Variants in LAMA1 observed in about 807,000 individuals in gnomAD.
The protein encoded by LAMA1 is laminin subunit alpha 1, also known as laminin subunit alpha-1.
A neutral mutation model predicts 348.7 loss-of-function variants in LAMA1; 219 were observed. That is an observed-to-expected ratio of 0.63 (90% CI 0.56 to 0.70). The LOEUF is 0.70. LAMA1 is among the 30% of genes least tolerant of loss of function. LAMA1 has a pLI of 0.00. For synonymous variants in LAMA1, 1,487 were observed against 1,491.0 expected, an observed-to-expected ratio of 1.00 and a Z score of 0.06; for missense variants, 3,744 against 3,888.0, an observed-to-expected ratio of 0.96 and a Z score of 0.99.
At chr18:7,038,541 T>C (rs976724375) in intron 11 of LAMA1, 11 of 503,912 alleles carry the variant, frequency 2.2e-5, no homozygotes, top group Non-Finnish European at 3.6e-5. Context: ...CCCAATCCAT[T>C]TCCCCACAGA....
At position 7,024,538 on chromosome 18, in the gene LAMA1, C is replaced by A. The variant is rs1012760169; in HGVS notation, c.2403-72G>T. 4.2e-6 allele frequency: 5 copies of A among 1,192,324 alleles called. No individual in the cohort carries two copies. The African/African-American group carries it at 4.5e-5, about 11-fold the overall frequency. The allele number at this position is 1,192,324 out of a possible 1,614,324, so 73.9% of individuals were successfully genotyped here. A position where few individuals can be genotyped will look rare whatever the true frequency, so the allele number is the denominator to read the frequency against. ...GAATTTCTAACTATTTAAAATGCTTCATTTCTACTACTCCTGTGCTTCCAG... is the reference window on the plus strand; with the variant it reads ...GAATTTCTAACTATTTAAAATGCTTAATTTCTACTACTCCTGTGCTTCCAG... On this transcript the variant is annotated intron_variant, in intron 17 of 62. Transcript: ENST00000389658.
intron 56 of LAMA1, chr18:6,956,138 T>A (rs552037973): frequency 6.2e-6 from 2 of 322,416 alleles, no homozygotes; most frequent in African/African-American, 4.4e-5. Flanking sequence ...TGCCATCTTC[T>A]AAATTATTAG....
Position 6,942,127 on chromosome 18 carries a change from G to C in LAMA1, c.9180C>G (p.Phe3060Leu). The change falls in exon 63 of 63, where the codon TTC becomes TTG. Residue 3060 changes from phenylalanine (F) to leucine (L), a missense_variant. Transcript: ENST00000389658. ...AATGAAGGAAAACTCCGTGCAGTTCGAACGCTCTGCTGAAGTCAAAGGACT... is the reference window on the plus strand; with the variant it reads ...AATGAAGGAAAACTCCGTGCAGTTCCAACGCTCTGCTGAAGTCAAAGGACT... ...QVQSFDFSRA[F>L]ELHGVFLHSC... 6.2e-7 allele frequency: 1 copy of C among 1,614,156 alleles called. No homozygotes were observed. The highest frequency in any genetic ancestry group is 8.5e-7 in the Non-Finnish European group (1 of 1,180,040).
intron 58 of LAMA1, among the ~76,000 whole-genome samples, chr18:6,949,867 A>G (rs1301220273): frequency 6.6e-6 from 1 of 152,238 alleles, no homozygotes. Context: ...AGATACAGGC[A>G]TAAACTCTAA....
chr18:7,028,442 C>G (rs1029111963), intron 16 of LAMA1, among the ~76,000 whole-genome samples: 1 of 152,174 alleles, frequency 6.6e-6, no homozygotes, highest in Non-Finnish European at 1.5e-5. Flanking sequence ...CACCAACTAA[C>G]TTCTCACTTG....
At chr18:7,031,606 G>C (rs1352199973) in intron 16 of LAMA1, among the ~76,000 whole-genome samples, 1 of 151,716 alleles carries the variant, frequency 6.6e-6, no homozygotes, top group African/African-American at 2.4e-5. Flanking sequence ...TTTGAGCCCA[G>C]AAGATCCAGG....
intron 51 of LAMA1, among the ~76,000 whole-genome samples, chr18:6,962,939 T>A (rs1395306516): frequency 6.6e-6 from 1 of 152,238 alleles, no homozygotes; most frequent in Admixed American, 6.5e-5. Context: ...CAGGCTATAA[T>A]GTAGTCCAGC....
At chr18:7,011,863 A>G in intron 24 of LAMA1, 132 bp downstream of exon 24, 1 of 1,120,154 alleles carries the variant, frequency 8.9e-7, no homozygotes, top group Middle Eastern at 3.0e-4. Flanking sequence ...TTCTAACCCA[A>G]ATTAGCTTCC....
chr18:7,042,987 C>A, intron 8 of LAMA1: 1 of 540,696 alleles, frequency 1.8e-6, no homozygotes, highest in South Asian at 2.3e-5. Flanking sequence ...AGTATTATGA[C>A]CCAGGATTAC....
intron 57 of LAMA1, chr18:6,953,865 G>A (rs1319964513): frequency 1.3e-5 from 2 of 152,514 alleles, no homozygotes; most frequent in Non-Finnish European, 2.9e-5. Context: ...CCTAGGAGGA[G>A]AGGGCGGATG....
intron 1 of LAMA1, among the ~76,000 whole-genome samples, chr18:7,081,405 T>G (rs1166171488): frequency 6.6e-6 from 1 of 152,198 alleles, no homozygotes; most frequent in Non-Finnish European, 1.5e-5. Flanking sequence ...TCTATAATTA[T>G]CTAGGATTTT....
intron 17 of LAMA1, 92 bp downstream of exon 17, chr18:7,025,887 C>T (rs2057940427): frequency 2.0e-6 from 3 of 1,507,328 alleles, no homozygotes; most frequent in South Asian, 2.4e-5. Flanking sequence ...ACACGTATTA[C>T]ACACACAGTC....
intron 3 of LAMA1, among the ~76,000 whole-genome samples, chr18:7,072,719 G>T (rs145873266): frequency 1.3e-4 from 20 of 152,284 alleles, no homozygotes; most frequent in African/African-American, 4.8e-4. Flanking sequence ...CTCTGTCTCT[G>T]TGTTTCTGTT....
rs2057536056 is a variant in LAMA1 at position 6,949,278 on chromosome 18, A to G, written c.8398-19T>C. ...TCTTGACCTACAGCAAAGTGAAAAC[A>G]TGCATAATTTTTGAGGAATCTGAAA... On this transcript the variant is annotated intron_variant, in intron 58 of 62. Transcript: ENST00000389658. 5 of 1,613,888 alleles carry G rather than the reference A, an allele frequency of 3.1e-6. No homozygotes were observed. In the South Asian group the frequency reaches 5.5e-5, roughly 18 times the overall value.
chr18:6,943,264 C>T lies in LAMA1; in HGVS notation c.8983G>A (p.Gly2995Arg), dbSNP rs199862694. Residue 2995 changes from glycine (G) to arginine (R), a missense_variant, in exon 62 of 63, where the codon GGG becomes AGG. Physicochemically the swap from Gly to Arg is moderately radical, Grantham distance 125. Transcript: ENST00000389658. ...SKHRITLIVD[G>R]NAVGAESPHT... ...GGACTTTCAGCGCCAACTGCGTTCCCGTCAACAATCAGAGTGATACGGTGT... is the reference window on the plus strand; with the variant it reads ...GGACTTTCAGCGCCAACTGCGTTCCTGTCAACAATCAGAGTGATACGGTGT... 3.7e-6 allele frequency: 6 copies of T among 1,614,146 alleles called. No individual in the cohort carries two copies. The East Asian group carries it at 6.7e-5, about 18-fold the overall frequency.
intron 28 of LAMA1, 134 bp from the exon 29 acceptor site, chr18:7,007,410 G>T: frequency 4.0e-6 from 3 of 753,976 alleles, no homozygotes; most frequent in Non-Finnish European, 2.0e-6. Context: ...CTCTATCAGA[G>T]AAATGCAAAT....
intron 3 of LAMA1, among the ~76,000 whole-genome samples, chr18:7,069,542 A>C (rs1207768317): frequency 6.6e-6 from 1 of 152,130 alleles, no homozygotes; most frequent in Non-Finnish European, 1.5e-5. Context: ...AACCTGAGTG[A>C]CTGGGTGGCT....
chr18:7,069,839 C>T (rs1038621443), intron 3 of LAMA1, among the ~76,000 whole-genome samples: 3 of 151,912 alleles, frequency 2.0e-5, no homozygotes, highest in Admixed American at 6.6e-5. Context: ...CTCCCCTAAG[C>T]TGCTCCAAGT....
chr18:6,971,639 T>C (rs1396928282), intron 48 of LAMA1, among the ~76,000 whole-genome samples: 1 of 152,104 alleles, frequency 6.6e-6, no homozygotes, highest in Non-Finnish European at 1.5e-5. Context: ...TATAATAATA[T>C]AATGTAGATT....
Sources: gnomAD v4.1 joint callset for allele counts (sites outside exome capture counted in the v4.1 genomes callset) on GRCh38, gnomAD v4.1.1 for gene constraint, MANE v1.5 for transcripts, NCBI Gene and HGNC (gene_info 2026-07-23, HGNC 2026-07-21) for gene names.